Variants in LPP observed in about 807,000 individuals in gnomAD.
The protein encoded by LPP is LIM domain containing preferred translocation partner in lipoma.
Under a neutral mutation model 60.4 loss-of-function variants are expected in LPP, and 38 were observed. The observed-to-expected ratio is 0.63, with a 90% CI of 0.49 to 0.83. The LOEUF is 0.83. Ranked by LOEUF, LPP falls within the 40% of genes least tolerant of loss-of-function variation. The pLI, the probability that LPP is intolerant of heterozygous loss-of-function variation, is 0.00. For synonymous variants in LPP, 328 were observed against 290.8 expected, an observed-to-expected ratio of 1.13 and a Z score of -1.30; for missense variants, 902 against 783.6, an observed-to-expected ratio of 1.15 and a Z score of -1.80.
At chr3:188,388,925 G>A (rs1379040082) in intron 3 of LPP, among the ~76,000 whole-genome samples, 1 of 152,156 alleles carries the variant, frequency 6.6e-6, no homozygotes, top group Admixed American at 6.5e-5. Context: ...TATGTAATAT[G>A]TCTCATATAT....
intron 7 of LPP, among the ~76,000 whole-genome samples, chr3:188,663,075 A>C (rs1004736308): frequency 1.3e-5 from 2 of 152,240 alleles, no homozygotes; most frequent in Non-Finnish European, 2.9e-5. Flanking sequence ...ACAAAGTCCA[A>C]AGGGAAAGAA....
At chr3:188,679,167 A>G (rs1227155350) in intron 7 of LPP, among the ~76,000 whole-genome samples, 1 of 152,216 alleles carries the variant, frequency 6.6e-6, no homozygotes, top group African/African-American at 2.4e-5. Context: ...CCAACAAGCC[A>G]TGTGACTGTG....
Position 188,321,814 on chromosome 3 carries a change from A to G in LPP, c.-66-19849A>G, listed in dbSNP as rs181849643. Among the ~76,000 whole-genome samples, 3 of 152,340 alleles carry G rather than the reference A, an allele frequency of 2.0e-5. No individual in the cohort carries two copies. In the East Asian group the frequency reaches 5.8e-4, roughly 29 times the overall value. On this transcript the variant is annotated intron_variant, in intron 2 of 11. Transcript: ENST00000617246. ...TTAACTGGCATTTGTTGAAAACCAAAATAACTTTAAATAGAGAAAACTTTG... is the reference window on the plus strand; with the variant it reads ...TTAACTGGCATTTGTTGAAAACCAAGATAACTTTAAATAGAGAAAACTTTG...
At chr3:188,643,615 G>A (rs1483199902) in intron 7 of LPP, among the ~76,000 whole-genome samples, 2 of 152,116 alleles carry the variant, frequency 1.3e-5, no homozygotes, top group African/African-American at 4.8e-5. Flanking sequence ...TGCAACCCAG[G>A]AGTATAGATG....
chr3:188,157,377 T>G (rs1716811135), intron 1 of LPP, among the ~76,000 whole-genome samples: 1 of 152,136 alleles, frequency 6.6e-6, no homozygotes, highest in African/African-American at 2.4e-5. Context: ...TGAGCCAGTC[T>G]GGGTTAATTG....
At chr3:188,602,312 A>G (rs1281015463) in intron 6 of LPP, among the ~76,000 whole-genome samples, 1 of 150,150 alleles carries the variant, frequency 6.7e-6, no homozygotes, top group Admixed American at 6.7e-5. Flanking sequence ...ATGGAAGATA[A>G]TTAGTGAGAT....
chr3:188,307,944 T>TGTGTGTGTCTGTGC (rs1752073615), intron 2 of LPP, among the ~76,000 whole-genome samples: 1 of 152,116 alleles, frequency 6.6e-6, no homozygotes, highest in Non-Finnish European at 1.5e-5. Context: ...TGTAAGTGTG[T>TGTGTGTGTCTGTGC]GTGTGTGTCT....
chr3:188,459,549 T>A (rs914081593), intron 4 of LPP, among the ~76,000 whole-genome samples: 2 of 152,174 alleles, frequency 1.3e-5, no homozygotes, highest in African/African-American at 4.8e-5. Context: ...CTGATTCCCA[T>A]CGTTCAAAGT....
At chr3:188,724,876 G>C (rs528256220) in intron 8 of LPP, among the ~76,000 whole-genome samples, 2 of 152,208 alleles carry the variant, frequency 1.3e-5, no homozygotes, top group African/African-American at 4.8e-5. Context: ...AAATAAGAGA[G>C]AGCAAGGAAA....
At chr3:188,317,887 G>A (rs1316411368) in intron 2 of LPP, among the ~76,000 whole-genome samples, 2 of 152,182 alleles carry the variant, frequency 1.3e-5, no homozygotes, top group Admixed American at 1.3e-4. Context: ...AGAAGAATAG[G>A]AGGCTAGAGT....
chr3:188,181,662 A>T lies in LPP; in HGVS notation c.-190+27410A>T, dbSNP rs146836621. On this transcript the variant is annotated intron_variant, in intron 1 of 11. Transcript: ENST00000617246. Reference sequence around the variant, plus strand: ...TGGTTCTAGCCTCAAAAGTGGAGCAATTCTGTACATACTTTGAAAGCAATG... The same window carrying T: ...TGGTTCTAGCCTCAAAAGTGGAGCATTTCTGTACATACTTTGAAAGCAATG... Among the ~76,000 whole-genome samples the T allele has an allele frequency of 4.0e-4, 61 of 152,354 alleles. 1 individual carries two copies. The East Asian group carries it at 0.012, about 29-fold the overall frequency.
At chr3:188,589,440 A>G (rs1838189137) in intron 6 of LPP, among the ~76,000 whole-genome samples, 1 of 152,192 alleles carries the variant, frequency 6.6e-6, no homozygotes, top group Non-Finnish European at 1.5e-5. Flanking sequence ...CTGGATAATT[A>G]GATAAATAAG....
chr3:188,662,265 T>G (rs970157513), intron 7 of LPP, among the ~76,000 whole-genome samples: 1 of 152,204 alleles, frequency 6.6e-6, no homozygotes, highest in Non-Finnish European at 1.5e-5. Flanking sequence ...CTAGCCTTAT[T>G]TATCCTGAAG....
chr3:188,872,423 C>T (rs556072162), intron 10 of LPP, among the ~76,000 whole-genome samples: 5 of 152,274 alleles, frequency 3.3e-5, no homozygotes, highest in African/African-American at 4.8e-5. Context: ...GCTCTTCATG[C>T]CCAAGCAATT....
intron 3 of LPP, among the ~76,000 whole-genome samples, chr3:188,361,536 C>CCTCTT (rs1769360396): frequency 1.5e-5 from 2 of 132,082 alleles, no homozygotes; most frequent in Non-Finnish European, 3.3e-5. Context: ...CCTCTCCTCT[C>CCTCTT]CTCTCCTCCC....
At chr3:188,223,233 C>G (rs1361640314) in intron 1 of LPP, among the ~76,000 whole-genome samples, 1 of 152,104 alleles carries the variant, frequency 6.6e-6, no homozygotes. Context: ...TTCTCTGATA[C>G]TTTTCAATCT....
chr3:188,309,731 G>C (rs1752782110), intron 2 of LPP, among the ~76,000 whole-genome samples: 1 of 152,100 alleles, frequency 6.6e-6, no homozygotes, highest in African/African-American at 2.4e-5. Context: ...GAGTGAGGTG[G>C]CTTGCTTGTT....
At chr3:188,522,738 A>G (rs1257061978) in intron 5 of LPP, among the ~76,000 whole-genome samples, 1 of 149,188 alleles carries the variant, frequency 6.7e-6, no homozygotes, top group East Asian at 2.0e-4. Context: ...TACATCCAGA[A>G]GGAGAAAATC....
intron 2 of LPP, among the ~76,000 whole-genome samples, chr3:188,329,203 G>T (rs1414145083): frequency 6.6e-6 from 1 of 152,172 alleles, no homozygotes; most frequent in African/African-American, 2.4e-5. Context: ...GAGGAGAGTG[G>T]TGGAAAGATG....
Sources: gnomAD v4.1 joint callset for allele counts (sites outside exome capture counted in the v4.1 genomes callset) on GRCh38, gnomAD v4.1.1 for gene constraint, MANE v1.5 for transcripts, NCBI Gene and HGNC (gene_info 2026-07-23, HGNC 2026-07-21) for gene names.